NEBL: variants seen among roughly 807,000 people sequenced by gnomAD.
NEBL encodes the protein nebulette.
In NEBL, 122 loss-of-function variants were observed where a neutral mutation model predicts 140.2. The observed-to-expected ratio is 0.87, with a 90% CI of 0.75 to 1.01. The LOEUF is 1.01. NEBL is among the 50% of genes least tolerant of loss of function. The pLI, the probability that NEBL is intolerant of heterozygous loss-of-function variation, is 0.00. For synonymous variants in NEBL, 436 were observed against 398.9 expected (o/e 1.09, Z -1.11); for missense variants, 1,365 against 1,231.3 (o/e 1.11, Z -1.62).
chr10:21,071,668 C>T (rs1835822453), intron 2 of NEBL, among the ~76,000 whole-genome samples: 1 of 152,142 alleles, frequency 6.6e-6, no homozygotes, highest in Non-Finnish European at 1.5e-5. Context: ...GAACTGGGAT[C>T]TCCAGGATTC....
chr10:21,126,972 AT>A (rs1222631126), intron 2 of NEBL, among the ~76,000 whole-genome samples: 4 of 120,364 alleles, frequency 3.3e-5, no homozygotes, highest in African/African-American at 8.3e-5. Context: ...GAGACCCTGT[AT>A]CAAAAAAAAA....
At chr10:21,009,966 T>C (rs547254782) in intron 3 of NEBL, among the ~76,000 whole-genome samples, 1 of 152,312 alleles carries the variant, frequency 6.6e-6, no homozygotes, top group Admixed American at 6.5e-5. Flanking sequence ...CCTAGAGTTA[T>C]CTCCAAGAGG....
At chr10:20,872,229 T>C (rs577476139) in intron 5 of NEBL, among the ~76,000 whole-genome samples, 3 of 152,030 alleles carry the variant, frequency 2.0e-5, no homozygotes, top group Non-Finnish European at 4.4e-5. Context: ...CCATCATCCA[T>C]GTAAATTGCA....
chr10:21,039,496 T>A (rs1834169226), intron 2 of NEBL, among the ~76,000 whole-genome samples: 1 of 152,178 alleles, frequency 6.6e-6, no homozygotes, highest in African/African-American at 2.4e-5. Context: ...TTCCCCTTTG[T>A]TTTTGTCAGG....
intron 2 of NEBL, among the ~76,000 whole-genome samples, chr10:21,086,412 A>G (rs1283727910): frequency 1.3e-5 from 2 of 152,208 alleles, no homozygotes; most frequent in Admixed American, 6.5e-5. Context: ...TCTCAAACAT[A>G]AAAGTTATTC....
chr10:20,805,377 A>T (rs1837515272), intron 26 of NEBL, among the ~76,000 whole-genome samples: 1 of 152,234 alleles, frequency 6.6e-6, no homozygotes, highest in South Asian at 2.1e-4. Flanking sequence ...TTTCAAATTC[A>T]TATGGCTCTT....
intron 2 of NEBL, among the ~76,000 whole-genome samples, chr10:21,084,828 C>T (rs1836550360): frequency 6.6e-6 from 1 of 152,144 alleles, no homozygotes; most frequent in South Asian, 2.1e-4. Flanking sequence ...CAGAGAGAAC[C>T]CGGTTGCTGC....
At chr10:20,908,090 T>C (rs1244530375) in intron 4 of NEBL, among the ~76,000 whole-genome samples, 1 of 152,162 alleles carries the variant, frequency 6.6e-6, no homozygotes, top group Non-Finnish European at 1.5e-5. Flanking sequence ...CAAAGGATGA[T>C]CACTGCATGC....
intron 2 of NEBL, among the ~76,000 whole-genome samples, chr10:21,134,963 C>T (rs988915098): frequency 4.6e-5 from 7 of 152,174 alleles, no homozygotes; most frequent in African/African-American, 1.2e-4. Flanking sequence ...ATATTTTATG[C>T]CTTTTTAAAA....
At chr10:20,954,605 G>A (rs550879757) in intron 4 of NEBL, among the ~76,000 whole-genome samples, 16 of 152,298 alleles carry the variant, frequency 1.1e-4, no homozygotes, top group African/African-American at 3.6e-4. Context: ...GGAAGAAAAG[G>A]GGGAAACAGG....
At chr10:21,061,549 C>CCT (rs1835308712) in intron 2 of NEBL, among the ~76,000 whole-genome samples, 1 of 110,656 alleles carries the variant, frequency 9.0e-6, no homozygotes, top group Non-Finnish European at 2.2e-5. Context: ...ATATTTTATA[C>CCT]ATATATAAAT....
intron 2 of NEBL, among the ~76,000 whole-genome samples, chr10:21,032,720 C>T (rs904259931): frequency 1.3e-5 from 2 of 152,136 alleles, no homozygotes; most frequent in Non-Finnish European, 2.9e-5. Flanking sequence ...ATACAAGCCC[C>T]AGCTGAAAGG....
At chr10:21,144,164 T>C (rs1839776838) in intron 2 of NEBL, among the ~76,000 whole-genome samples, 1 of 152,228 alleles carries the variant, frequency 6.6e-6, no homozygotes, top group Non-Finnish European at 1.5e-5. Flanking sequence ...TACTCCTCCT[T>C]TGTCTTTGTA....
chr10:20,867,057 A>G (rs1438212668), intron 7 of NEBL, among the ~76,000 whole-genome samples: 4 of 152,142 alleles, frequency 2.6e-5, no homozygotes, highest in African/African-American at 9.6e-5. Context: ...ATGCATTAGA[A>G]GTACTTTTCC....
chr10:21,053,530 G>T (rs1008434812), intron 2 of NEBL, among the ~76,000 whole-genome samples: 1 of 152,112 alleles, frequency 6.6e-6, no homozygotes, highest in Non-Finnish European at 1.5e-5. Context: ...TAAGGAAAAA[G>T]ATAATAAAGC....
intron 2 of NEBL, among the ~76,000 whole-genome samples, chr10:21,091,559 C>A (rs577188628): frequency 6.6e-6 from 1 of 152,318 alleles, no homozygotes; most frequent in Non-Finnish European, 1.5e-5. Context: ...CTCCCAAATT[C>A]AGTCGTTGTT....
chr10:20,866,077 C>G (rs939487465), intron 7 of NEBL, among the ~76,000 whole-genome samples: 3 of 152,062 alleles, frequency 2.0e-5, no homozygotes, highest in African/African-American at 7.2e-5. Context: ...TTCTTTCTTC[C>G]CTGAGAGACT....
intron 2 of NEBL, among the ~76,000 whole-genome samples, chr10:21,156,309 A>G (rs955569206): frequency 2.0e-5 from 3 of 152,246 alleles, no homozygotes; most frequent in African/African-American, 7.2e-5. Flanking sequence ...CAAATGGACA[A>G]AGAGTTATCA....
intron 2 of NEBL, among the ~76,000 whole-genome samples, chr10:21,138,200 T>C (rs1253040437): frequency 6.6e-6 from 1 of 152,164 alleles, no homozygotes; most frequent in East Asian, 1.9e-4. Context: ...CGGACAGCAC[T>C]GTCCCAACTC....
Sources: gnomAD v4.1 joint callset for allele counts (sites outside exome capture counted in the v4.1 genomes callset) on GRCh38, gnomAD v4.1.1 for gene constraint, MANE v1.5 for transcripts, NCBI Gene and HGNC (gene_info 2026-07-23, HGNC 2026-07-21) for gene names.